Variants in NHLRC2 observed in about 807,000 individuals in gnomAD.
The protein encoded by NHLRC2 is NHL repeat-containing protein 2.
Under a neutral mutation model 68.1 loss-of-function variants are expected in NHLRC2, and 33 were observed. The ratio of observed to expected loss-of-function variants is 0.48; its 90% CI spans 0.37 to 0.65. NHLRC2 has a LOEUF of 0.65. Ranked by LOEUF, NHLRC2 falls within the 30% of genes least tolerant of loss-of-function variation. The pLI, the probability that NHLRC2 is intolerant of heterozygous loss-of-function variation, is 0.00. For synonymous variants in NHLRC2, 311 were observed against 309.6 expected, an observed-to-expected ratio of 1.00 and a Z score of -0.05; for missense variants, 761 against 853.8, an observed-to-expected ratio of 0.89 and a Z score of 1.35.
chr10:113,855,438 G>C (rs1419154381), intron 1 of NHLRC2, among the ~76,000 whole-genome samples: 1 of 152,026 alleles, frequency 6.6e-6, no homozygotes, highest in Non-Finnish European at 1.5e-5. Context: ...GACATTTATT[G>C]ATCACTTTTT....
At chr10:113,875,882 T>A (rs888404942) in intron 2 of NHLRC2, among the ~76,000 whole-genome samples, 6 of 152,016 alleles carry the variant, frequency 3.9e-5, no homozygotes, top group African/African-American at 1.5e-4. Context: ...GTAGTCAATA[T>A]TGAATTTTTT....
intron 3 of NHLRC2, 119 bp from the exon 4 acceptor site, chr10:113,879,455 T>C: frequency 1.1e-6 from 1 of 881,074 alleles, no homozygotes; most frequent in East Asian, 2.8e-5. Flanking sequence ...CATTTTAGTT[T>C]TTAGATGGAC....
Position 113,904,821 on chromosome 10 carries a change from C to G in NHLRC2, c.1709C>G (p.Pro570Arg), listed in dbSNP as rs775341325. The G allele has an allele frequency of 1.2e-6, 2 of 1,610,432 alleles. No individual in the cohort carries two copies. The highest frequency in any genetic ancestry group is 2.2e-5 in the South Asian group (2 of 90,948). Residue 570 changes from proline to arginine, a missense_variant, in exon 10 of 11, where the codon CCC (proline) becomes CGC (arginine). Transcript: ENST00000369301. The stretch of plus-strand genomic sequence containing the variant: ...ACAGATTTTCTTATTTCCTAGCTCC[C>G]CATCTTCAGATCTGAAAATGCTGTG... ...DLETKMVSVLPIFRSENAVVD... is the reference protein window; with the variant it reads ...DLETKMVSVLRIFRSENAVVD...
At chr10:113,878,059 C>G (rs964945061) in intron 3 of NHLRC2, among the ~76,000 whole-genome samples, 2 of 152,110 alleles carry the variant, frequency 1.3e-5, no homozygotes, top group Admixed American at 6.5e-5. Flanking sequence ...AAACATAGTT[C>G]TAGAAATACT....
At chr10:113,868,247 C>G (rs182031349) in intron 2 of NHLRC2, among the ~76,000 whole-genome samples, 1 of 152,254 alleles carries the variant, frequency 6.6e-6, no homozygotes, top group East Asian at 1.9e-4. Flanking sequence ...CCCTCATTCC[C>G]TTCTTCCTTG....
At chr10:113,887,299 G>A (rs1846091374) in intron 5 of NHLRC2, among the ~76,000 whole-genome samples, 1 of 152,094 alleles carries the variant, frequency 6.6e-6, no homozygotes, top group Non-Finnish European at 1.5e-5. Context: ...GTATGGAGGT[G>A]GCTGAAAAAA....
intron 5 of NHLRC2, among the ~76,000 whole-genome samples, chr10:113,886,868 C>G (rs776128049): frequency 6.6e-6 from 1 of 152,066 alleles, no homozygotes; most frequent in African/African-American, 2.4e-5. Context: ...AAAAATAGAC[C>G]AGTGGGATTG....
chr10:113,887,465 G>T (rs1846092428), intron 5 of NHLRC2, among the ~76,000 whole-genome samples: 1 of 152,120 alleles, frequency 6.6e-6, no homozygotes. Context: ...GTGGATGAAT[G>T]GTTAAAGAAA....
At chr10:113,890,681 T>C (rs1252550997) in intron 5 of NHLRC2, among the ~76,000 whole-genome samples, 13 of 152,204 alleles carry the variant, frequency 8.5e-5, no homozygotes, top group Admixed American at 7.9e-4. Flanking sequence ...TATTTTTTCT[T>C]TTTGTACTAG....
Position 113,899,062 on chromosome 10 carries a change from C to G in NHLRC2, c.1139+853C>G, listed in dbSNP as rs534712737. Among the ~76,000 whole-genome samples, 6 of 152,290 alleles carry G rather than the reference C, an allele frequency of 3.9e-5. No homozygotes were observed. The South Asian group carries it at 1.0e-3, about 26-fold the overall frequency. ...GGCCATACTCTTCTCTGTGACCTCA[C>G]TGTACCTGGTGTATAGTTACATCAC... is the stretch of plus-strand genomic sequence containing the variant. On this transcript the variant is annotated intron_variant, in intron 6 of 10. Coordinates refer to ENST00000369301, the MANE Select transcript of NHLRC2 (RefSeq NM_198514.4).
chr10:113,885,689 G>A (rs933336220), intron 5 of NHLRC2, among the ~76,000 whole-genome samples: 4 of 151,894 alleles, frequency 2.6e-5, no homozygotes, highest in Non-Finnish European at 5.9e-5. Flanking sequence ...TATAGCAAGG[G>A]ATATTTTGAG....
chr10:113,900,638 A>G (rs1467475779), intron 6 of NHLRC2, among the ~76,000 whole-genome samples: 1 of 152,190 alleles, frequency 6.6e-6, no homozygotes. Flanking sequence ...TCCTTTTTAA[A>G]GTATTAAGAC....
chr10:113,887,427 G>C (rs1589543702), intron 5 of NHLRC2, among the ~76,000 whole-genome samples: 1 of 152,198 alleles, frequency 6.6e-6, no homozygotes, highest in Non-Finnish European at 1.5e-5. Flanking sequence ...CAATTGCTAA[G>C]ATATGGAGGC....
At position 113,907,905 on chromosome 10, in the gene NHLRC2, A is replaced by G. The variant is rs191465900; in HGVS notation, c.1925-375A>G. ...AAAGACTTTCATCTCTTTGGTAAAA[A>G]TGATCCATTTTCTCAAGTGTCGTAT... On this transcript the variant is annotated intron_variant, in intron 10 of 10. Coordinates refer to ENST00000369301, the MANE Select transcript of NHLRC2 (RefSeq NM_198514.4). Among the ~76,000 whole-genome samples, 184 of 152,280 alleles carry G rather than the reference A, an allele frequency of 1.2e-3. 1 individual carries two copies. The highest frequency in any genetic ancestry group is 4.0e-3 in the African/African-American group (167 of 41,572).
intron 7 of NHLRC2, 72 bp from the exon 8 acceptor site, chr10:113,902,399 C>T (rs1010395425): frequency 1.1e-5 from 11 of 1,003,668 alleles, no homozygotes; most frequent in East Asian, 2.6e-5. Flanking sequence ...TTTGAATTTT[C>T]CTTCATATTC....
intron 5 of NHLRC2, among the ~76,000 whole-genome samples, chr10:113,888,435 A>G (rs1379688411): frequency 6.6e-6 from 1 of 152,216 alleles, no homozygotes; most frequent in Admixed American, 6.5e-5. Flanking sequence ...GTACACAATT[A>G]TTATTGGTCA....
intron 4 of NHLRC2, among the ~76,000 whole-genome samples, chr10:113,882,625 T>C (rs998782038): frequency 6.6e-6 from 1 of 151,780 alleles, no homozygotes; most frequent in Non-Finnish European, 1.5e-5. Flanking sequence ...ACAAATGATT[T>C]TTCACATTTT....
intron 2 of NHLRC2, among the ~76,000 whole-genome samples, chr10:113,868,832 G>A (rs1316307141): frequency 2.0e-5 from 3 of 152,274 alleles, no homozygotes; most frequent in East Asian, 3.9e-4. Context: ...AAAGACAAGC[G>A]TGGCTTTAGT....
chr10:113,909,596 A>G lies in NHLRC2; in HGVS notation c.*1060A>G, dbSNP rs1053214058. The stretch of plus-strand genomic sequence containing the variant: ...TAATAGATACAGTATATCCTAATAT[A>G]TTAGTCTTCAAAATATTAAGGCCGA... On this transcript the variant is annotated 3_prime_UTR_variant, in exon 11 of 11. Coordinates refer to ENST00000369301, the MANE Select transcript of NHLRC2 (RefSeq NM_198514.4). The G allele has an allele frequency of 2.0e-5, 3 of 152,152 alleles. No individual in the cohort carries two copies. Among genetic ancestry groups the G allele is most frequent in the Admixed American group, 1.3e-4 (2 of 15,270 alleles). The allele number at this position is 152,152 out of a possible 1,614,324, so 9.4% of individuals were successfully genotyped here.
Sources: allele counts gnomAD v4.1 joint callset (sites outside exome capture counted in the v4.1 genomes callset), GRCh38; gene constraint gnomAD v4.1.1; transcripts MANE v1.5; gene names NCBI Gene and HGNC (gene_info 2026-07-23, HGNC 2026-07-21).